CCNB3: variants seen among roughly 807,000 people sequenced by gnomAD.
CCNB3 encodes the protein cyclin B3, also known as G2/mitotic-specific cyclin-B3.
A neutral mutation model predicts 68.0 loss-of-function variants in CCNB3; 12 were observed. That is an observed-to-expected ratio of 0.18 (90% CI 0.11 to 0.29). The LOEUF (loss-of-function observed/expected upper bound fraction) is 0.29. CCNB3 is among the 10% of genes least tolerant of loss of function. CCNB3 has a pLI of 1.00. For missense variants in CCNB3, 904 were observed against 993.1 expected, an observed-to-expected ratio of 0.91 and a Z score of 1.21; for synonymous variants, 354 against 388.9, an observed-to-expected ratio of 0.91 and a Z score of 1.06.
chrX:50,313,001 A>G (rs1383203843), intron 7 of CCNB3, among the ~76,000 whole-genome samples: 1 of 111,137 alleles, frequency 9.0e-6, no homozygotes. Context: ...AAAAATGGTC[A>G]AGTAGTCTCT....
Position 50,293,745 on chromosome X carries a change from G to T in CCNB3, c.205-1118G>T, listed in dbSNP as rs147158793. Among the ~76,000 whole-genome samples the T allele has an allele frequency of 2.2e-3, 247 of 111,169 alleles. 3 individuals carry two copies. Among genetic ancestry groups the T allele is most frequent in the Non-Finnish European group, 3.6e-3 (192 of 53,019 alleles). ...ACTAAAAAGAGTTCCAGATTTATTA[G>T]CAATATCTACAACCTCCTGCAGACC... On this transcript the variant is annotated intron_variant, in intron 4 of 12. Transcript: ENST00000376042.
Position 50,215,240 on chromosome X carries a change from C to T in CCNB3, c.-113+10290C>T, listed in dbSNP as rs974517469. ...TCCTGACCTCGTGATCCACCCGCCT[C>T]GGCCTCCCAAAGTGCTAGGATTACA... is the stretch of plus-strand genomic sequence containing the variant. On this transcript the variant is annotated intron_variant, in intron 1 of 12. Coordinates refer to ENST00000376042, the MANE Select transcript of CCNB3 (RefSeq NM_033031.3). Among the ~76,000 whole-genome samples, 10 of 110,255 alleles carry T rather than the reference C, an allele frequency of 9.1e-5. No individual in the cohort carries two copies. In the Admixed American group the frequency reaches 9.7e-4, roughly 11 times the overall value.
At position 50,292,355 on chromosome X, in the gene CCNB3, C is replaced by T. The variant is rs1422734867; in HGVS notation, c.205-2508C>T. 4.6e-5 allele frequency among the ~76,000 whole-genome samples: 5 copies of T among 109,861 alleles called. No homozygotes were observed. The Admixed American group carries it at 4.9e-4, about 11-fold the overall frequency. The stretch of plus-strand genomic sequence containing the variant: ...AATGACGTTGCCATTTTTGAGGATG[C>T]AGTCCCACCCAACTCCCCACTTTGT... On this transcript the variant is annotated intron_variant, in intron 4 of 12. Coordinates refer to ENST00000376042, the MANE Select transcript of CCNB3 (RefSeq NM_033031.3).
chrX:50,226,912 G>C (rs1169076128), intron 1 of CCNB3, among the ~76,000 whole-genome samples: 4 of 43,691 alleles, frequency 9.2e-5, no homozygotes, highest in South Asian at 9.1e-4. Context: ...AGAATATATA[G>C]TATATATATA....
chrX:50,208,686 G>A (rs1238377398), intron 1 of CCNB3, among the ~76,000 whole-genome samples: 1 of 111,635 alleles, frequency 9.0e-6, no homozygotes, highest in Non-Finnish European at 1.9e-5. Flanking sequence ...ATTCACGAGG[G>A]ATATTGTTCT....
At chrX:50,282,789 C>T (rs1392798640) in intron 1 of CCNB3, among the ~76,000 whole-genome samples, 1 of 111,373 alleles carries the variant, frequency 9.0e-6, no homozygotes, top group Non-Finnish European at 1.9e-5. Flanking sequence ...ATTTAGTTAA[C>T]CTGTATGTTA....
rs1278986553 is a variant in CCNB3, at chrX:50,226,563, A to G, written c.-113+21613A>G. 2.2e-3 allele frequency among the ~76,000 whole-genome samples: 165 copies of G among 76,612 alleles called. 1 individual carries two copies. Among genetic ancestry groups the G allele is most frequent in the African/African-American group, 8.1e-3 (155 of 19,019 alleles). 66.5% of individuals were successfully genotyped at this position (76,612 alleles called of 115,157 possible). ...ATGAATATATATATAGAATATATAT[A>G]TAAATATATATAGAATACATACAAA... On this transcript the variant is annotated intron_variant, in intron 1 of 12. Coordinates refer to ENST00000376042, the MANE Select transcript of CCNB3 (RefSeq NM_033031.3).
intron 1 of CCNB3, among the ~76,000 whole-genome samples, chrX:50,227,895 A>C (rs1430049415): frequency 8.0e-4 from 65 of 81,551 alleles, no homozygotes; most frequent in African/African-American, 3.0e-3. Flanking sequence ...AAAATATATA[A>C]ATATATAGAG....
chrX:50,313,104 G>C (rs1921554501), intron 7 of CCNB3, among the ~76,000 whole-genome samples: 1 of 111,005 alleles, frequency 9.0e-6, no homozygotes, highest in Non-Finnish European at 1.9e-5. Context: ...CTCCAACCTG[G>C]TGAAGTTTTC....
At chrX:50,279,666 A>T (rs1331593411) in intron 1 of CCNB3, among the ~76,000 whole-genome samples, 2 of 86,010 alleles carry the variant, frequency 2.3e-5, no homozygotes, top group East Asian at 6.5e-4. Context: ...ATGTAAATAT[A>T]TGAATATGTA....
chrX:50,279,083 AATAT>A (rs1181906817), intron 1 of CCNB3, among the ~76,000 whole-genome samples: 1 of 60,274 alleles, frequency 1.7e-5, no homozygotes, highest in Non-Finnish European at 2.7e-5. Flanking sequence ...AACATATATA[AATAT>A]ATATTAATAT....
At chrX:50,284,773 A>G (rs1936205779) in intron 2 of CCNB3, among the ~76,000 whole-genome samples, 157 bp downstream of exon 2, 1 of 111,507 alleles carries the variant, frequency 9.0e-6, no homozygotes, top group Non-Finnish European at 1.9e-5. Context: ...ATTTGTCCCC[A>G]GTGTTGCTAG....
chrX:50,288,000 C>T (rs1159970249), intron 3 of CCNB3, among the ~76,000 whole-genome samples: 1 of 108,153 alleles, frequency 9.2e-6, no homozygotes, highest in Non-Finnish European at 1.9e-5. Flanking sequence ...GTTGCGCGCT[C>T]CTTATGAGAA....
chrX:50,347,731 G>A lies in CCNB3; in HGVS notation c.3916G>A (p.Ala1306Thr). 8.3e-7 allele frequency: 1 copy of A among 1,211,117 alleles called. No homozygotes were observed. The highest frequency in any genetic ancestry group is 1.1e-6 in the Non-Finnish European group (1 of 895,336). Residue 1306 changes from alanine to threonine, a missense_variant, in exon 11 of 13, where the codon GCC (alanine) becomes ACC (threonine). Transcript: ENST00000376042. ...VQEKASKLAA[A>T]SLLLALYMKK... is the part of the protein sequence containing the mutation. ...GGAGAAGGCTTCCAAGCTAGCTGCT[G>A]CCTCCTTACTCCTGGCCCTCTACAT...
intron 8 of CCNB3, among the ~76,000 whole-genome samples, chrX:50,320,916 G>C (rs782186867): frequency 9.0e-6 from 1 of 111,278 alleles, no homozygotes. Flanking sequence ...TCAAACTGAT[G>C]TATTTCTATA....
intron 1 of CCNB3, among the ~76,000 whole-genome samples, chrX:50,223,218 A>C (rs1345076441): frequency 1.8e-5 from 2 of 110,762 alleles, no homozygotes; most frequent in Non-Finnish European, 3.8e-5. Flanking sequence ...ATGCTCCTTT[A>C]GCTCGGAGGA....
At chrX:50,335,009 C>T (rs1333098536) in intron 8 of CCNB3, among the ~76,000 whole-genome samples, 1 of 111,965 alleles carries the variant, frequency 8.9e-6, no homozygotes, top group Admixed American at 9.5e-5. Flanking sequence ...TTCTTGGACA[C>T]CTTATACCCA....
chrX:50,316,924 G>A (rs1921751700), intron 8 of CCNB3, among the ~76,000 whole-genome samples: 1 of 112,284 alleles, frequency 8.9e-6, no homozygotes, highest in Non-Finnish European at 1.9e-5. Context: ...AGGTTTTTAT[G>A]TGAAGATATG....
At chrX:50,279,942 AAT>A (rs1163309185) in intron 1 of CCNB3, among the ~76,000 whole-genome samples, 1 of 87,088 alleles carries the variant, frequency 1.1e-5, no homozygotes, top group Non-Finnish European at 2.1e-5. Flanking sequence ...ATGTATTTAT[AAT>A]ATATATAGAA....
Sources: gnomAD v4.1 joint callset for allele counts (sites outside exome capture counted in the v4.1 genomes callset) on GRCh38, gnomAD v4.1.1 for gene constraint, MANE v1.5 for transcripts, NCBI Gene and HGNC (gene_info 2026-07-23, HGNC 2026-07-21) for gene names.